Variants in SLC17A3 observed in about 807,000 individuals in gnomAD.
The protein encoded by SLC17A3 is solute carrier family 17 member 3, also known as sodium-dependent phosphate transport protein 4.
A neutral mutation model predicts 60.3 loss-of-function variants in SLC17A3; 61 were observed. That is an observed-to-expected ratio of 1.01 (90% CI 0.82 to 1.25). The LOEUF is 1.25. Ranked by LOEUF, SLC17A3 falls within the 50% of genes most tolerant of loss-of-function variation. The pLI is 0.00. For synonymous variants in SLC17A3, 192 were observed against 208.9 expected, an observed-to-expected ratio of 0.92 and a Z score of 0.70; for missense variants, 624 against 594.9, an observed-to-expected ratio of 1.05 and a Z score of -0.51.
intron 5 of SLC17A3, among the ~76,000 whole-genome samples, chr6:25,860,594 G>A (rs901355515): frequency 1.3e-5 from 2 of 152,112 alleles, no homozygotes; most frequent in East Asian, 3.9e-4. Context: ...AGGCCAGAAA[G>A]GATCACCTGC....
intron 2 of SLC17A3, among the ~76,000 whole-genome samples, chr6:25,864,651 G>C (rs567328668): frequency 2.6e-5 from 4 of 152,010 alleles, no homozygotes; most frequent in Non-Finnish European, 5.9e-5. Context: ...GGTTTGTAAG[G>C]TAGGGTGGTC....
Position 25,861,934 on chromosome 6 carries a change from C to G in SLC17A3, c.399G>C (p.Leu133=). The G allele has an allele frequency of 6.2e-7, 1 of 1,612,730 alleles. No individual in the cohort carries two copies. The highest frequency in any genetic ancestry group is 8.5e-7 in the Non-Finnish European group (1 of 1,179,434). Residue 133 remains leucine (L), a synonymous_variant, in exon 4 of 13, where the codon CTG becomes CTC. Coordinates refer to ENST00000397060, the MANE Select transcript of SLC17A3 (RefSeq NM_001098486.2). ...GILTMAPSGY[L]AGRVGTKRVV... The stretch of plus-strand genomic sequence containing the variant: ...CTCGCTTTGTTCCTACTCTTCCAGC[C>G]AGGTATCCACTGGGAGCCATTGTCA...
At chr6:25,846,905 C>T (rs1015479763) in intron 11 of SLC17A3, among the ~76,000 whole-genome samples, 2 of 152,180 alleles carry the variant, frequency 1.3e-5, no homozygotes, top group Non-Finnish European at 2.9e-5. Context: ...CCCACCGCAC[C>T]TGGCCGGAAA....
chr6:25,864,482 A>G (rs1765503154), intron 2 of SLC17A3, among the ~76,000 whole-genome samples: 1 of 151,944 alleles, frequency 6.6e-6, no homozygotes, highest in Non-Finnish European at 1.5e-5. Context: ...ATGTGGTCAG[A>G]CCCCAGATAA....
At chr6:25,869,291 G>T (rs1765599425) in intron 1 of SLC17A3, among the ~76,000 whole-genome samples, 1 of 151,846 alleles carries the variant, frequency 6.6e-6, no homozygotes, top group Non-Finnish European at 1.5e-5. Context: ...TTAAATTTAT[G>T]ATTCTCTTAA....
At chr6:25,855,415 A>G (rs1378434969) in intron 5 of SLC17A3, among the ~76,000 whole-genome samples, 185 bp from the exon 6 acceptor site, 5 of 152,118 alleles carry the variant, frequency 3.3e-5, no homozygotes, top group Non-Finnish European at 7.4e-5. Context: ...CTGAGAGCAC[A>G]TTTTTCTGGT....
At chr6:25,858,017 A>G (rs1382187919) in intron 5 of SLC17A3, among the ~76,000 whole-genome samples, 1 of 152,054 alleles carries the variant, frequency 6.6e-6, no homozygotes, top group Non-Finnish European at 1.5e-5. Context: ...TATGTTATTC[A>G]TGAACTTTTT....
intron 2 of SLC17A3, 51 bp from the exon 3 acceptor site, chr6:25,862,495 TA>T (rs1228426812): frequency 2.1e-6 from 3 of 1,409,924 alleles, no homozygotes; most frequent in Non-Finnish European, 3.0e-6. Flanking sequence ...GAGCTAACAT[TA>T]GTTTTTCACA....
intron 5 of SLC17A3, among the ~76,000 whole-genome samples, chr6:25,859,983 G>C (rs1448642130): frequency 3.9e-5 from 6 of 152,102 alleles, no homozygotes; most frequent in African/African-American, 1.4e-4. Flanking sequence ...TTGTCTGGTA[G>C]TGTACCTTAG....
intron 1 of SLC17A3, among the ~76,000 whole-genome samples, chr6:25,871,665 T>C (rs1308081059): frequency 6.6e-6 from 1 of 151,790 alleles, no homozygotes; most frequent in Non-Finnish European, 1.5e-5. Context: ...AAAAAAAGAC[T>C]CTGGGTTCTC....
intron 6 of SLC17A3, among the ~76,000 whole-genome samples, chr6:25,852,401 A>G (rs971746099): frequency 3.3e-5 from 5 of 151,920 alleles, no homozygotes; most frequent in African/African-American, 9.7e-5. Context: ...AATTTGGAAA[A>G]TTTTTGGCCA....
chr6:25,850,334 G>A (rs1053548361), intron 8 of SLC17A3, 125 bp downstream of exon 8: 3 of 1,312,998 alleles, frequency 2.3e-6, no homozygotes, highest in African/African-American at 2.9e-5. Context: ...CTACTGGCAT[G>A]AGTATTAAAT....
chr6:25,854,299 C>T (rs1035784047), intron 6 of SLC17A3, among the ~76,000 whole-genome samples: 1 of 152,130 alleles, frequency 6.6e-6, no homozygotes, highest in Non-Finnish European at 1.5e-5. Flanking sequence ...TCAGTTTTTG[C>T]TTCATGTATT....
chr6:25,845,556 T>C, intron 11 of SLC17A3, 40 bp from the exon 12 acceptor site: 1 of 1,609,766 alleles, frequency 6.2e-7, no homozygotes, highest in East Asian at 2.2e-5. Context: ...ACCCCTTTCA[T>C]ATTTTCCTAT....
chr6:25,862,454 T>C lies in SLC17A3; in HGVS notation c.92-10A>G. ...GAACATAAACTTGGAACTGGAAATA[T>C]TATGACATCATATTAGTGTTTTTTA... On this transcript the variant is annotated splice_polypyrimidine_tract_variant and intron_variant, in intron 2 of 12. Coordinates refer to ENST00000397060, the MANE Select transcript of SLC17A3 (RefSeq NM_001098486.2). 6.2e-7 allele frequency: 1 copy of C among 1,601,648 alleles called. No homozygotes were observed. Among genetic ancestry groups the C allele is most frequent in the Non-Finnish European group, 8.6e-7 (1 of 1,168,702 alleles).
intron 1 of SLC17A3, among the ~76,000 whole-genome samples, chr6:25,873,380 A>T (rs868119603): frequency 4.9e-4 from 74 of 152,240 alleles, no homozygotes; most frequent in South Asian, 3.1e-3. Context: ...TTCATAGAGA[A>T]CCACATTGAG....
At chr6:25,851,609 A>G (rs1416879008) in intron 6 of SLC17A3, among the ~76,000 whole-genome samples, 1 of 152,030 alleles carries the variant, frequency 6.6e-6, no homozygotes, top group South Asian at 2.1e-4. Flanking sequence ...ATTTTTTTGC[A>G]TGTGGATATC....
intron 1 of SLC17A3, among the ~76,000 whole-genome samples, chr6:25,869,080 T>G (rs1202889461): frequency 6.6e-6 from 1 of 151,952 alleles, no homozygotes; most frequent in African/African-American, 2.4e-5. Flanking sequence ...AAATCTCATA[T>G]TATTATTGTC....
intron 2 of SLC17A3, 108 bp from the exon 3 acceptor site, chr6:25,862,552 T>G: frequency 1.1e-6 from 1 of 897,614 alleles, no homozygotes; most frequent in Non-Finnish European, 1.8e-6. Flanking sequence ...TTTAAATCAT[T>G]ACTTAAATGA....
Sources: allele counts gnomAD v4.1 joint callset (sites outside exome capture counted in the v4.1 genomes callset), GRCh38; gene constraint gnomAD v4.1.1; transcripts MANE v1.5; gene names NCBI Gene and HGNC (gene_info 2026-07-23, HGNC 2026-07-21).